Variants in GPC5 observed in about 807,000 individuals in gnomAD.
GPC5 encodes glypican 5, also known as glypican-5.
In GPC5, 47 loss-of-function variants were observed where a neutral mutation model predicts 53.9. The observed-to-expected ratio is 0.87, with a 90% CI of 0.69 to 1.11. GPC5 has a LOEUF of 1.11. Ranked by LOEUF, GPC5 falls within the 50% of genes most tolerant of loss-of-function variation. The probability of loss-of-function intolerance (pLI) is 0.00; values close to 1 mark genes in which losing one functional copy is unlikely to be tolerated. For synonymous variants in GPC5, 286 were observed against 263.3 expected (o/e 1.09, Z -0.84); for missense variants, 748 against 713.1 (o/e 1.05, Z -0.56).
At chr13:91,663,633 A>AT (rs112955559) in intron 2 of GPC5, among the ~76,000 whole-genome samples, 5,735 of 145,964 alleles carry the variant, frequency 0.039, 288 homozygotes, top group African/African-American at 0.12. Flanking sequence ...AATTAAAAAC[A>AT]TTTTTTTTTT....
At chr13:92,201,570 C>T (rs1189331252) in intron 7 of GPC5, among the ~76,000 whole-genome samples, 1 of 151,742 alleles carries the variant, frequency 6.6e-6, no homozygotes, top group Non-Finnish European at 1.5e-5. Context: ...GAATGAACTC[C>T]ATTCCATTTT....
Position 91,793,388 on chromosome 13 carries a change from G to T in GPC5, c.1280+36968G>T, listed in dbSNP as rs533101475. On this transcript the variant is annotated intron_variant, in intron 5 of 7. Transcript: ENST00000377067. ...GGGGCTACAATTCAAGATGAGATTTGGGTGGGGGCACAGCCAAACCATATC... is the reference window on the plus strand; with the variant it reads ...GGGGCTACAATTCAAGATGAGATTTTGGTGGGGGCACAGCCAAACCATATC... Among the ~76,000 whole-genome samples, 11 of 152,240 alleles carry T rather than the reference G, an allele frequency of 7.2e-5. No individual in the cohort carries two copies. The East Asian group carries it at 2.1e-3, about 29-fold the overall frequency.
At chr13:92,529,026 G>A (rs542216593) in intron 7 of GPC5, among the ~76,000 whole-genome samples, 30 of 152,164 alleles carry the variant, frequency 2.0e-4, no homozygotes, top group Middle Eastern at 6.8e-3. Flanking sequence ...TGGAAAAAAA[G>A]ATAATTATTA....
chr13:92,590,097 C>T (rs1318920816), intron 7 of GPC5, among the ~76,000 whole-genome samples: 1 of 152,132 alleles, frequency 6.6e-6, no homozygotes, highest in East Asian at 1.9e-4. Flanking sequence ...CCTTGCAATA[C>T]TTCAGGCCCC....
At chr13:92,665,882 G>A (rs1006544427) in intron 7 of GPC5, among the ~76,000 whole-genome samples, 33 of 152,172 alleles carry the variant, frequency 2.2e-4, no homozygotes, top group Middle Eastern at 3.4e-3. Flanking sequence ...TTCCTCCTAC[G>A]TATGGTATAA....
intron 7 of GPC5, among the ~76,000 whole-genome samples, chr13:92,544,993 T>C (rs1024293877): frequency 2.6e-4 from 40 of 152,124 alleles, no homozygotes; most frequent in Admixed American, 2.4e-3. Flanking sequence ...TATGTATACA[T>C]GTGCCAGGTT....
intron 2 of GPC5, among the ~76,000 whole-genome samples, chr13:91,569,915 A>T (rs1437984831): frequency 6.6e-6 from 1 of 152,184 alleles, no homozygotes; most frequent in African/African-American, 2.4e-5. Context: ...GTGAGAAATA[A>T]GTTTCTGTTT....
At chr13:91,661,641 T>C (rs2034991152) in intron 2 of GPC5, among the ~76,000 whole-genome samples, 1 of 152,158 alleles carries the variant, frequency 6.6e-6, no homozygotes. Flanking sequence ...GAAAACCTCA[T>C]TGAGAAGGTG....
chr13:91,645,378 T>C (rs2034534000), intron 2 of GPC5, among the ~76,000 whole-genome samples: 1 of 152,196 alleles, frequency 6.6e-6, no homozygotes, highest in Non-Finnish European at 1.5e-5. Flanking sequence ...GTCTTGACTT[T>C]CATCAAGCTT....
At chr13:92,442,492 A>C (rs1034404855) in intron 7 of GPC5, among the ~76,000 whole-genome samples, 7 of 152,204 alleles carry the variant, frequency 4.6e-5, no homozygotes, top group Non-Finnish European at 1.0e-4. Flanking sequence ...TAGGATGTAA[A>C]AGAAAATACA....
intron 7 of GPC5, among the ~76,000 whole-genome samples, chr13:92,657,555 A>G (rs1357116750): frequency 1.4e-5 from 2 of 147,602 alleles, no homozygotes; most frequent in East Asian, 2.0e-4. Context: ...AGTCAGAACT[A>G]CTAGTTTTCT....
intron 7 of GPC5, among the ~76,000 whole-genome samples, chr13:92,311,255 C>T (rs544984291): frequency 2.0e-5 from 3 of 152,202 alleles, no homozygotes; most frequent in Admixed American, 2.0e-4. Context: ...ATTTTTCAAG[C>T]AGCTAGCATG....
intron 2 of GPC5, among the ~76,000 whole-genome samples, chr13:91,647,562 T>C (rs1336857793): frequency 2.0e-5 from 3 of 152,208 alleles, no homozygotes; most frequent in African/African-American, 7.2e-5. Flanking sequence ...CTGTCGGGCA[T>C]CTGTGATGTG....
intron 7 of GPC5, among the ~76,000 whole-genome samples, chr13:92,575,130 C>T (rs1883150551): frequency 6.6e-6 from 1 of 152,166 alleles, no homozygotes; most frequent in African/African-American, 2.4e-5. Flanking sequence ...GCTCTGTTCT[C>T]TTTTATTCTT....
rs142421753 is a variant in GPC5, at chr13:91,439,856, G to T, written c.164-8905G>T. 1.3e-3 allele frequency among the ~76,000 whole-genome samples: 201 copies of T among 152,204 alleles called. 1 individual carries two copies. Among genetic ancestry groups the T allele is most frequent in the African/African-American group, 4.4e-3 (184 of 41,528 alleles). ...ACACCGATTCTCAAAATAACCATTA[G>T]AGTGAAATTTTAAGAAACAAATAAA... On this transcript the variant is annotated intron_variant, in intron 1 of 7. Transcript: ENST00000377067.
chr13:91,577,883 C>A (rs1164140906), intron 2 of GPC5, among the ~76,000 whole-genome samples: 7 of 152,172 alleles, frequency 4.6e-5, no homozygotes, highest in African/African-American at 9.7e-5. Context: ...ACATTCCTTT[C>A]GAAAGATGGA....
intron 2 of GPC5, among the ~76,000 whole-genome samples, chr13:91,643,862 C>G (rs2139508823): frequency 6.6e-6 from 1 of 152,246 alleles, no homozygotes; most frequent in South Asian, 2.1e-4. Flanking sequence ...TCTCATCCTA[C>G]TTAACTCATT....
intron 6 of GPC5, among the ~76,000 whole-genome samples, chr13:91,974,705 TA>T (rs1363418454): frequency 6.6e-6 from 1 of 152,150 alleles, no homozygotes; most frequent in Admixed American, 6.5e-5. Flanking sequence ...CAAGGTAATT[TA>T]TAGATTCAAT....
At chr13:92,449,942 C>G (rs553844630) in intron 7 of GPC5, among the ~76,000 whole-genome samples, 3 of 151,848 alleles carry the variant, frequency 2.0e-5, no homozygotes, top group African/African-American at 7.3e-5. Context: ...TTTCTTTCAA[C>G]CCTTTAAAAA....
Sources: gnomAD v4.1 joint callset for allele counts (sites outside exome capture counted in the v4.1 genomes callset) on GRCh38, gnomAD v4.1.1 for gene constraint, MANE v1.5 for transcripts, NCBI Gene and HGNC (gene_info 2026-07-23, HGNC 2026-07-21) for gene names.